The following WDFY4 variants were observed in gnomAD, a reference collection of about 807,000 sequenced individuals.
WDFY4 encodes the protein WDFY family member 4.
In WDFY4, 169 loss-of-function variants were observed where a neutral mutation model predicts 351.9. That is an observed-to-expected ratio of 0.48 (90% CI 0.42 to 0.55). The LOEUF is 0.55. Ranked by LOEUF, WDFY4 falls within the 20% of genes least tolerant of loss-of-function variation. WDFY4 has a pLI of 0.00. For synonymous variants in WDFY4, 1,622 were observed against 1,574.6 expected (o/e 1.03, Z -0.71); for missense variants, 3,803 against 3,935.6 (o/e 0.97, Z 0.90).
chr10:48,810,282 A>G (rs991709330), intron 28 of WDFY4, among the ~76,000 whole-genome samples: 1 of 152,252 alleles, frequency 6.6e-6, no homozygotes, highest in Non-Finnish European at 1.5e-5. Context: ...ATGAATACAC[A>G]GTTTCCAATT....
Position 48,725,970 on chromosome 10 carries a change from C to T in WDFY4, c.681C>T (p.Cys227=), listed in dbSNP as rs1352284538. 1 of 1,551,756 alleles carries T rather than the reference C, an allele frequency of 6.4e-7. No homozygotes were observed. Among genetic ancestry groups the T allele is most frequent in the Non-Finnish European group, 8.7e-7 (1 of 1,147,002 alleles). The change falls in exon 6 of 62, where the codon TGC becomes TGT. Residue 227 remains cysteine (C), a synonymous_variant. Coordinates refer to ENST00000325239, the MANE Select transcript of WDFY4 (RefSeq NM_001394531.1). The stretch of plus-strand genomic sequence containing the variant: ...AGTCTCTGCTGATTGCCACGACCTG[C>T]CTTCGGGAGCACAGCTGCTGCTTCT... ...ELQSLLIATT[C]LREHSCCFWK...
chr10:48,917,961 G>T (rs2671697), intron 47 of WDFY4, among the ~76,000 whole-genome samples: 103,343 of 152,116 alleles, frequency 0.68, 35,428 homozygotes, highest in African/African-American at 0.76. Context: ...ACGGGGAAGT[G>T]AGCAAGACCT....
intron 13 of WDFY4, among the ~76,000 whole-genome samples, chr10:48,768,723 A>AAGAGAGAGAGAGAGAGAGAGAG (rs71026224): frequency 2.6e-4 from 36 of 141,066 alleles, no homozygotes; most frequent in Admixed American, 1.0e-3. Context: ...GGGAGAGGAG[A>AAGAGAGAGAGAGAGAGAGAGAG]AGAGAGAGAG....
Position 48,795,514 on chromosome 10 carries a change from TATATATATAC to T in WDFY4, c.4258-774_4258-765del, listed in dbSNP as rs1157449393. ...CTGTATATATATATATATATATATA[TATATATATAC>T]ATATATATATACACACACATGAATA... On this transcript the variant is annotated intron_variant, in intron 23 of 61. Transcript: ENST00000325239. Among the ~76,000 whole-genome samples, 8 of 101,486 alleles carry T rather than the reference TATATATATAC, an allele frequency of 7.9e-5. 1 individual carries two copies. The highest frequency in any genetic ancestry group is 2.8e-4 in the African/African-American group (6 of 21,448). 66.6% of individuals were successfully genotyped at this position (101,486 alleles called of 152,430 possible).
intron 47 of WDFY4, among the ~76,000 whole-genome samples, chr10:48,928,352 A>ATGTGTG (rs1839749361): frequency 2.3e-4 from 14 of 59,632 alleles, no homozygotes; most frequent in African/African-American, 5.4e-4. Context: ...TTTGGTTTTG[A>ATGTGTG]CGTGTGTGTG....
chr10:48,918,312 A>G (rs910419112), intron 47 of WDFY4, among the ~76,000 whole-genome samples: 1 of 152,186 alleles, frequency 6.6e-6, no homozygotes, highest in African/African-American at 2.4e-5. Flanking sequence ...AAAGAAAAAG[A>G]CCCAATTGTA....
At position 48,721,192 on chromosome 10, in the gene WDFY4, G is replaced by A. The variant is rs965757527; in HGVS notation, c.350-69G>A. ...CTCAGGCACATCTCCTGGGAAGAGGGGGCCCTGGATGGAGGGGAAGCTGAG... is the reference window on the plus strand; with the variant it reads ...CTCAGGCACATCTCCTGGGAAGAGGAGGCCCTGGATGGAGGGGAAGCTGAG... On this transcript the variant is annotated intron_variant, in intron 3 of 61. Transcript: ENST00000325239. 3 of 1,434,508 alleles carry A rather than the reference G, an allele frequency of 2.1e-6. No individual in the cohort carries two copies. In the South Asian group the frequency reaches 3.7e-5, roughly 18 times the overall value. The allele number at this position is 1,434,508 out of a possible 1,614,324, so 88.9% of individuals were successfully genotyped here.
At chr10:48,823,987 AT>A (rs1341213379) in intron 35 of WDFY4, 1 of 985,328 alleles carries the variant, frequency 1.0e-6, no homozygotes, top group African/African-American at 1.7e-5. Flanking sequence ...CCTATAACAA[AT>A]TCATTTTCTA....
At chr10:48,822,663 G>A in intron 35 of WDFY4, 126 bp downstream of exon 35, 2 of 1,227,120 alleles carry the variant, frequency 1.6e-6, no homozygotes, top group South Asian at 2.2e-5. Flanking sequence ...GTGGGAGGAA[G>A]CAGGAGGCCC....
intron 6 of WDFY4, among the ~76,000 whole-genome samples, chr10:48,726,394 T>G (rs1346482422): frequency 6.6e-6 from 1 of 152,234 alleles, no homozygotes; most frequent in Non-Finnish European, 1.5e-5. Flanking sequence ...CTTGTTTCTT[T>G]GAGATAGCTA....
In WDFY4 at chr10:48,845,444, G is replaced by A. The variant is rs532631186; in HGVS notation, c.6663+12735G>A. Among the ~76,000 whole-genome samples the A allele has an allele frequency of 7.2e-5, 11 of 152,038 alleles. No individual in the cohort carries two copies. In the South Asian group the frequency reaches 2.3e-3, roughly 32 times the overall value. On this transcript the variant is annotated intron_variant, in intron 39 of 61. Transcript: ENST00000325239. The stretch of plus-strand genomic sequence containing the variant: ...GAGGTCCTCCTGCTTCTAGGCTGGT[G>A]AAATAATTATGCTGTAAAAAGAGGT...
intron 19 of WDFY4, among the ~76,000 whole-genome samples, chr10:48,783,043 T>C (rs1297663701): frequency 1.3e-5 from 2 of 152,148 alleles, no homozygotes; most frequent in African/African-American, 4.8e-5. Flanking sequence ...AACAATTGGT[T>C]TGTTTTTATT....
At chr10:48,689,723 T>C (rs2063146829) in intron 1 of WDFY4, among the ~76,000 whole-genome samples, 1 of 152,134 alleles carries the variant, frequency 6.6e-6, no homozygotes, top group South Asian at 2.1e-4. Context: ...TTGAGATGGA[T>C]GAGAGGTAGG....
chr10:48,691,595 C>T (rs1486948930), intron 1 of WDFY4, among the ~76,000 whole-genome samples: 3 of 152,174 alleles, frequency 2.0e-5, no homozygotes, highest in South Asian at 2.1e-4. Context: ...TGGCAGTGGC[C>T]GTACCAGACT....
intron 12 of WDFY4, among the ~76,000 whole-genome samples, chr10:48,749,203 G>A (rs2065105058): frequency 6.6e-6 from 1 of 152,074 alleles, no homozygotes; most frequent in African/African-American, 2.4e-5. Context: ...TAACACAGAG[G>A]TGACATGTTA....
intron 11 of WDFY4, 107 bp from the exon 12 acceptor site, chr10:48,742,861 A>C: frequency 9.8e-7 from 1 of 1,015,552 alleles, no homozygotes; most frequent in Non-Finnish European, 1.4e-6. Context: ...TGTTGGCCTG[A>C]AGTCGTTGAG....
chr10:48,954,820 A>C (rs1473020300), intron 51 of WDFY4, among the ~76,000 whole-genome samples: 1 of 152,254 alleles, frequency 6.6e-6, no homozygotes, highest in East Asian at 1.9e-4. Context: ...TAGGAAAATC[A>C]GTTATTGCTT....
chr10:48,923,213 C>T lies in WDFY4; in HGVS notation c.7587-18593C>T, dbSNP rs377028935. Among the ~76,000 whole-genome samples the T allele has an allele frequency of 1.2e-4, 19 of 152,158 alleles. 1 individual carries two copies. The highest frequency in any genetic ancestry group is 4.6e-4 in the African/African-American group (19 of 41,510). On this transcript the variant is annotated intron_variant, in intron 47 of 61. Coordinates refer to ENST00000325239, the MANE Select transcript of WDFY4 (RefSeq NM_001394531.1). Reference sequence around the variant, plus strand: ...GGCATCCAAATAGGTAGCATCTGGGCACCACTGTGGTCCAATGTGTATGTC... The same window carrying T: ...GGCATCCAAATAGGTAGCATCTGGGTACCACTGTGGTCCAATGTGTATGTC...
At chr10:48,962,881 C>T (rs1841923343) in intron 53 of WDFY4, among the ~76,000 whole-genome samples, 1 of 152,218 alleles carries the variant, frequency 6.6e-6, no homozygotes, top group South Asian at 2.1e-4. Flanking sequence ...TCCTTGCCTG[C>T]TGCATGCCCC....
Sources: allele counts gnomAD v4.1 joint callset (sites outside exome capture counted in the v4.1 genomes callset), GRCh38; gene constraint gnomAD v4.1.1; transcripts MANE v1.5; gene names NCBI Gene and HGNC (gene_info 2026-07-23, HGNC 2026-07-21).